The following CNTN6 variants were observed in gnomAD, a reference collection of about 807,000 sequenced individuals.
CNTN6 encodes contactin-6.
In CNTN6, 137 loss-of-function variants were observed where a neutral mutation model predicts 122.8. The observed-to-expected ratio is 1.12, with a 90% confidence interval of 0.97 to 1.29. The LOEUF is 1.29. Ranked by LOEUF, CNTN6 falls within the 50% of genes most tolerant of loss-of-function variation. The pLI is 0.00. For missense variants in CNTN6, 1,634 were observed against 1,223.4 expected (o/e 1.34, Z -5.01); for synonymous variants, 570 against 426.0 (o/e 1.34, Z -4.16).
intron 11 of CNTN6, among the ~76,000 whole-genome samples, chr3:1,333,720 G>T (rs1702648410): frequency 6.6e-6 from 1 of 152,084 alleles, no homozygotes; most frequent in Admixed American, 6.6e-5. Flanking sequence ...AAAGTAATCA[G>T]ACTGAAGTGC....
chr3:1,145,281 G>C (rs986802781), intron 1 of CNTN6, among the ~76,000 whole-genome samples: 6 of 152,136 alleles, frequency 3.9e-5, no homozygotes, highest in African/African-American at 1.4e-4. Context: ...ACTGCCATTG[G>C]TTTCAATTAA....
At chr3:1,237,400 A>G (rs1362698937) in intron 4 of CNTN6, among the ~76,000 whole-genome samples, 2 of 152,182 alleles carry the variant, frequency 1.3e-5, no homozygotes, top group Non-Finnish European at 2.9e-5. Context: ...GTTTGAGACT[A>G]CATTAAATAC....
At chr3:1,387,548 A>G (rs1011146281) in intron 20 of CNTN6, among the ~76,000 whole-genome samples, 1 of 152,148 alleles carries the variant, frequency 6.6e-6, no homozygotes, top group African/African-American at 2.4e-5. Flanking sequence ...ACTCACAGAA[A>G]CTCTTGTGTG....
At chr3:1,265,035 CCGAA>C (rs1318354436) in intron 4 of CNTN6, among the ~76,000 whole-genome samples, 1 of 128,380 alleles carries the variant, frequency 7.8e-6, no homozygotes, top group Non-Finnish European at 1.6e-5. Flanking sequence ...CCACAAATGA[CCGAA>C]TTTCCTTTTT....
chr3:1,256,999 C>T (rs114987055), intron 4 of CNTN6, among the ~76,000 whole-genome samples: 68 of 152,244 alleles, frequency 4.5e-4, no homozygotes, highest in African/African-American at 1.6e-3. Context: ...ATACTTTCAA[C>T]AGCACCACCC....
chr3:1,204,104 G>A (rs2093924091), intron 2 of CNTN6, among the ~76,000 whole-genome samples: 1 of 152,086 alleles, frequency 6.6e-6, no homozygotes, highest in Admixed American at 6.5e-5. Flanking sequence ...GCATTTCCAT[G>A]GTTAAGCCAC....
At chr3:1,338,724 AT>A (rs1322291418) in intron 11 of CNTN6, among the ~76,000 whole-genome samples, 1 of 152,184 alleles carries the variant, frequency 6.6e-6, no homozygotes, top group African/African-American at 2.4e-5. Flanking sequence ...TTCAACAGCA[AT>A]AATTTTATAG....
At chr3:1,330,082 A>C in intron 11 of CNTN6, 147 bp downstream of exon 11, 1 of 519,752 alleles carries the variant, frequency 1.9e-6, no homozygotes, top group Non-Finnish European at 3.2e-6. Context: ...TTCTCATCAT[A>C]GTAAAATTGT....
intron 12 of CNTN6, among the ~76,000 whole-genome samples, chr3:1,360,207 G>C (rs1707247259): frequency 6.6e-6 from 1 of 151,962 alleles, no homozygotes; most frequent in South Asian, 2.1e-4. Context: ...CAGAAATTTT[G>C]AGCCGTTACT....
chr3:1,220,526 A>G (rs974530789), intron 2 of CNTN6, among the ~76,000 whole-genome samples, 161 bp from the exon 3 acceptor site: 5 of 152,074 alleles, frequency 3.3e-5, no homozygotes, highest in African/African-American at 1.2e-4. Context: ...TTTACAAGAG[A>G]AAAAAATTCT....
chr3:1,284,505 C>T (rs543971955), intron 5 of CNTN6, among the ~76,000 whole-genome samples: 1 of 152,100 alleles, frequency 6.6e-6, no homozygotes, highest in Non-Finnish European at 1.5e-5. Flanking sequence ...ACGATAATAA[C>T]CGTATTATTG....
intron 1 of CNTN6, among the ~76,000 whole-genome samples, chr3:1,132,660 A>C (rs1360927890): frequency 8.7e-6 from 1 of 115,028 alleles, no homozygotes; most frequent in East Asian, 2.0e-4. Context: ...CTGTCTAAAA[A>C]ATAAATAAAT....
chr3:1,234,925 G>C lies in CNTN6; in HGVS notation c.358+6932G>C, dbSNP rs150461421. ...TGTCTTTGCTTTTAAAAATAATTCA[G>C]ATCTTAAACAAATAGACTGTAAGCA... On this transcript the variant is annotated intron_variant, in intron 4 of 22. Transcript: ENST00000446702. Among the ~76,000 whole-genome samples, 3 of 152,234 alleles carry C rather than the reference G, an allele frequency of 2.0e-5. No individual in the cohort carries two copies. The South Asian group carries it at 6.2e-4, about 32-fold the overall frequency.
Position 1,385,621 on chromosome 3 carries a change from G to A in CNTN6, c.2528G>A (p.Trp843Ter). 6.2e-7 allele frequency: 1 copy of A among 1,613,280 alleles called. No individual in the cohort carries two copies. Among genetic ancestry groups the A allele is most frequent in the Non-Finnish European group, 8.5e-7 (1 of 1,179,552 alleles). ...GRVLGYEVLY[W>*]TDDSKESMIG... is the part of the protein sequence containing the mutation. The stretch of plus-strand genomic sequence containing the variant: ...GTTTTTAATTATCAGGTCTTATACT[G>A]GACAGATGACTCCAAAGAATCCATG... The change falls in exon 20 of 23, where the codon TGG becomes TAG. Residue 843 changes from tryptophan to a stop codon, truncating the protein, a stop_gained. Transcript: ENST00000446702. LOFTEE classifies it high-confidence loss of function.
intron 6 of CNTN6, among the ~76,000 whole-genome samples, chr3:1,296,872 A>G (rs1186927577): frequency 6.6e-6 from 1 of 151,786 alleles, no homozygotes; most frequent in Non-Finnish European, 1.5e-5. Context: ...TTTCCTGTCT[A>G]CTCTGAGTTT....
chr3:1,343,583 A>C (rs1005668969), intron 11 of CNTN6, among the ~76,000 whole-genome samples: 1 of 152,188 alleles, frequency 6.6e-6, no homozygotes, highest in Non-Finnish European at 1.5e-5. Flanking sequence ...CTGAATATTT[A>C]ACAGCAAATG....
In CNTN6 at chr3:1,381,219, C is replaced by G. The variant is rs182775727; in HGVS notation, c.2167-1723C>G. Among the ~76,000 whole-genome samples the G allele has an allele frequency of 3.5e-3, 540 of 152,286 alleles. 24 individuals are homozygous for G. The highest frequency in any genetic ancestry group is 0.032 in the Admixed American group (488 of 15,298). On this transcript the variant is annotated intron_variant, in intron 17 of 22. Transcript: ENST00000446702. ...TTCAGAAATGAATCAAATGCTCTAG[C>G]AAGTAGCATCGATTCTTATAAATCT...
chr3:1,314,533 T>A (rs1699829840), intron 7 of CNTN6, among the ~76,000 whole-genome samples: 1 of 152,104 alleles, frequency 6.6e-6, no homozygotes, highest in South Asian at 2.1e-4. Context: ...AAATTCTATT[T>A]ATGGGCTAAA....
At chr3:1,234,633 T>C (rs995373900) in intron 4 of CNTN6, among the ~76,000 whole-genome samples, 1 of 152,194 alleles carries the variant, frequency 6.6e-6, no homozygotes, top group Non-Finnish European at 1.5e-5. Context: ...GCGTATTAAG[T>C]GGGTAATGCA....
Sources: allele counts gnomAD v4.1 joint callset (sites outside exome capture counted in the v4.1 genomes callset), GRCh38; gene constraint gnomAD v4.1.1; transcripts MANE v1.5; gene names NCBI Gene and HGNC (gene_info 2026-07-23, HGNC 2026-07-21).